The following DCLRE1C variants were observed in gnomAD, a reference collection of about 807,000 sequenced individuals.
DCLRE1C encodes protein artemis.
Under a neutral mutation model 61.4 loss-of-function variants are expected in DCLRE1C, and 47 were observed. That is an observed-to-expected ratio of 0.77 (90% CI 0.61 to 0.98). The LOEUF (loss-of-function observed/expected upper bound fraction) is 0.98. Among genes scored for constraint, DCLRE1C ranks in the 50% least tolerant of loss-of-function variants. The pLI is 0.00. For missense variants in DCLRE1C, 858 were observed against 816.0 expected (o/e 1.05, Z -0.63); for synonymous variants, 337 against 287.6 (o/e 1.17, Z -1.74).
At chr10:14,923,738 G>C (rs929862131) in intron 11 of DCLRE1C, 1 of 153,328 alleles carries the variant, frequency 6.5e-6, no homozygotes, top group Admixed American at 6.5e-5. Context: ...TTGTTCAAAT[G>C]GTTCATTCTC....
At chr10:14,897,569 T>C (rs1833674080) in exon 14 of DCLRE1C, 1 of 1,406,996 alleles carries the variant, frequency 7.1e-7, no homozygotes, top group Admixed American at 2.6e-5. Context: ...GTTTATACTT[T>C]TGGAAAATTA....
chr10:14,918,765 G>T (rs1836625974), intron 13 of DCLRE1C, among the ~76,000 whole-genome samples: 1 of 151,718 alleles, frequency 6.6e-6, no homozygotes, highest in South Asian at 2.1e-4. Flanking sequence ...AACAAATGTG[G>T]TTTTTTTTGG....
chr10:14,911,185 C>G (rs1835192457), intron 13 of DCLRE1C: 1 of 152,324 alleles, frequency 6.6e-6, no homozygotes, highest in Admixed American at 6.5e-5. Flanking sequence ...GTGCCCAGAA[C>G]TCACCGTGCC....
intron 13 of DCLRE1C, among the ~76,000 whole-genome samples, chr10:14,910,184 T>C (rs1835015933): frequency 6.6e-6 from 1 of 152,164 alleles, no homozygotes; most frequent in African/African-American, 2.4e-5. Flanking sequence ...ATGTTCCCCG[T>C]GTGAAGCTAG....
chr10:14,917,499 C>CA (rs762351575), intron 13 of DCLRE1C, among the ~76,000 whole-genome samples: 94 of 145,132 alleles, frequency 6.5e-4, no homozygotes, highest in Non-Finnish European at 6.9e-4. Flanking sequence ...AAAAAAAAAA[C>CA]AAAAAAAACT....
intron 1 of DCLRE1C, among the ~76,000 whole-genome samples, chr10:14,951,389 C>CAAAAAAAAAAAAAAAA (rs60272216): frequency 6.5e-5 from 3 of 46,062 alleles, no homozygotes; most frequent in Non-Finnish European, 1.3e-4. Flanking sequence ...AACCCTGTCT[C>CAAAAAAAAAAAAAAAA]AAAAAAAAAA....
At chr10:14,924,176 G>C (rs1036686396) in intron 11 of DCLRE1C, among the ~76,000 whole-genome samples, 1 of 152,228 alleles carries the variant, frequency 6.6e-6, no homozygotes, top group Non-Finnish European at 1.5e-5. Flanking sequence ...TAACGGGAGT[G>C]CTTGCTCTCT....
chr10:14,914,321 G>C (rs565164492), intron 13 of DCLRE1C, among the ~76,000 whole-genome samples: 3 of 152,106 alleles, frequency 2.0e-5, no homozygotes, highest in Non-Finnish European at 4.4e-5. Context: ...TCCCTCAAGA[G>C]GATATAAGAA....
exon 14 of DCLRE1C, chr10:14,897,581 C>G (rs1833675014): frequency 1.5e-6 from 2 of 1,321,384 alleles, no homozygotes; most frequent in Admixed American, 5.3e-5. Context: ...GGAAAATTAC[C>G]TTTTTATCTC....
At chr10:14,923,903 C>G (rs921302701) in intron 11 of DCLRE1C, among the ~76,000 whole-genome samples, 9 of 152,206 alleles carry the variant, frequency 5.9e-5, no homozygotes, top group African/African-American at 2.2e-4. Context: ...CAAGCAAGAT[C>G]AAATCCAACA....
At chr10:14,945,073 A>G in intron 3 of DCLRE1C, 32 bp downstream of exon 3, 1 of 1,546,978 alleles carries the variant, frequency 6.5e-7, no homozygotes. Context: ...CCCACTTAAA[A>G]AAAATTAAGT....
chr10:14,932,159 G>A (rs1444122067), intron 9 of DCLRE1C, among the ~76,000 whole-genome samples: 1 of 152,074 alleles, frequency 6.6e-6, no homozygotes, highest in Non-Finnish European at 1.5e-5. Context: ...AGGAGATGGA[G>A]GCTGCAGTGA....
At chr10:14,931,841 C>G (rs189806815) in intron 9 of DCLRE1C, among the ~76,000 whole-genome samples, 1 of 152,074 alleles carries the variant, frequency 6.6e-6, no homozygotes, top group Admixed American at 6.6e-5. Context: ...GAGTTCAAGA[C>G]CCCCCTGGCC....
intron 10 of DCLRE1C, among the ~76,000 whole-genome samples, chr10:14,927,241 G>A (rs41298888): frequency 0.045 from 6,839 of 152,024 alleles, 183 homozygotes; most frequent in Admixed American, 0.072. Context: ...AAGTTAGCTC[G>A]GCATGGTGGT....
At chr10:14,935,175 C>T (rs1202749724) in intron 6 of DCLRE1C, among the ~76,000 whole-genome samples, 2 of 151,668 alleles carry the variant, frequency 1.3e-5, no homozygotes, top group Non-Finnish European at 2.9e-5. Flanking sequence ...CACAGAAGAA[C>T]TGTACAAGAG....
chr10:14,901,315 A>G, downstream of DCLRE1C: 1 of 1,607,822 alleles, frequency 6.2e-7, no homozygotes, highest in Non-Finnish European at 8.5e-7. Flanking sequence ...TGAAGAATCA[A>G]ATCAGACTAG....
intron 3 of DCLRE1C, among the ~76,000 whole-genome samples, chr10:14,940,390 G>A (rs922854257): frequency 1.6e-4 from 24 of 151,400 alleles, no homozygotes; most frequent in African/African-American, 4.9e-4. Flanking sequence ...CTGGGTTCAC[G>A]CGATTCTCCT....
chr10:14,922,972 A>G lies in DCLRE1C; in HGVS notation c.1061+9T>C. The stretch of plus-strand genomic sequence containing the variant: ...GGGACACCAAGTCCCACAACCAGTG[A>G]CTACTCACATTTCGACAACTTTATC... On this transcript the variant is annotated intron_variant, in intron 12 of 13. Transcript: ENST00000378278. 1 of 1,607,700 alleles carries G rather than the reference A, an allele frequency of 6.2e-7. No individual in the cohort carries two copies.
At chr10:14,951,156 A>AT (rs1444349470) in intron 1 of DCLRE1C, among the ~76,000 whole-genome samples, 2 of 151,878 alleles carry the variant, frequency 1.3e-5, no homozygotes, top group Admixed American at 1.3e-4. Flanking sequence ...AGGTGAGTGG[A>AT]TCACCTGCAC....
Sources: allele counts gnomAD v4.1 joint callset (sites outside exome capture counted in the v4.1 genomes callset), GRCh38; gene constraint gnomAD v4.1.1; transcripts MANE v1.5; gene names NCBI Gene and HGNC (gene_info 2026-07-23, HGNC 2026-07-21).